Variants in ESR1 observed in about 807,000 individuals in gnomAD.
The protein encoded by ESR1 is estrogen receptor 1.
ESR1 carries 12 observed loss-of-function variants against 52.7 expected under a neutral mutation model. The ratio of observed to expected loss-of-function variants is 0.23; its 90% CI spans 0.15 to 0.37. The LOEUF is 0.37. Among genes scored for constraint, ESR1 ranks in the 10% least tolerant of loss-of-function variants. ESR1 has a pLI of 1.00. For synonymous variants in ESR1, 305 were observed against 316.8 expected, an observed-to-expected ratio of 0.96 and a Z score of 0.39; for missense variants, 584 against 779.7, an observed-to-expected ratio of 0.75 and a Z score of 2.99.
intron 2 of ESR1, among the ~76,000 whole-genome samples, chr6:151,871,315 T>C (rs2128310483): frequency 6.6e-6 from 1 of 152,298 alleles, no homozygotes; most frequent in Admixed American, 6.5e-5. Context: ...CATTTTTAAG[T>C]GTACGGTTCA....
chr6:152,124,238 G>A (rs755271442), intron 6 of ESR1, among the ~76,000 whole-genome samples: 6 of 152,134 alleles, frequency 3.9e-5, no homozygotes, highest in South Asian at 2.1e-4. Context: ...CCCGGGAGGC[G>A]GAGGCTGCAG....
Position 152,094,337 on chromosome 6 carries a change from C to T in ESR1, c.1370-48C>T. On this transcript the variant is annotated intron_variant, in intron 6 of 7. Transcript: ENST00000206249. The surrounding 1 kb of genome is among the most constrained non-coding windows in gnomAD (Gnocchi z 4.6). ...CATGAACACTCTGGGTCTCCTAGAC[C>T]TCATCCTCTTTGAGCTTCTCTCTCT... is the stretch of plus-strand genomic sequence containing the variant. 6.4e-7 allele frequency: 1 copy of T among 1,557,984 alleles called. No homozygotes were observed. The highest frequency in any genetic ancestry group is 8.9e-7 in the Non-Finnish European group (1 of 1,129,040).
At chr6:151,935,270 G>GAA (rs2034219876) in intron 3 of ESR1, among the ~76,000 whole-genome samples, 1 of 152,158 alleles carries the variant, frequency 6.6e-6, no homozygotes, top group Non-Finnish European at 1.5e-5. Flanking sequence ...CACTTCAGCA[G>GAA]AAAAAGAAAT....
At chr6:151,812,847 C>T (rs1169214141) in intron 1 of ESR1, among the ~76,000 whole-genome samples, 8 of 152,018 alleles carry the variant, frequency 5.3e-5, no homozygotes. Flanking sequence ...AAAATACAGC[C>T]ACTTGAAACC....
At chr6:151,943,930 G>A (rs1331636895) in intron 3 of ESR1, among the ~76,000 whole-genome samples, 1 of 152,118 alleles carries the variant, frequency 6.6e-6, no homozygotes, top group Admixed American at 6.5e-5. Context: ...TGTTATGGTG[G>A]TGGTATTTAC....
Position 152,061,263 on chromosome 6 carries a change from C to A in ESR1, c.1369+139C>A. Reference sequence around the variant, plus strand: ...CTGACACACGTTTTAAAATAACCTACCAACATTGCAGATTCCTTATAAAGG... The same window carrying A: ...CTGACACACGTTTTAAAATAACCTAACAACATTGCAGATTCCTTATAAAGG... On this transcript the variant is annotated intron_variant, in intron 6 of 7. Transcript: ENST00000206249. This position sits in a 1 kb window ranked among gnomAD's most constrained non-coding sequence, Gnocchi z 4.3. The A allele has an allele frequency of 1.2e-6, 1 of 833,942 alleles. No individual in the cohort carries two copies. Among genetic ancestry groups the A allele is most frequent in the South Asian group, 1.4e-5 (1 of 69,248 alleles). 51.7% of individuals were successfully genotyped at this position (833,942 alleles called of 1,614,324 possible). A position where few individuals can be genotyped will look rare whatever the true frequency, so the allele number is the denominator to read the frequency against.
intron 1 of ESR1, among the ~76,000 whole-genome samples, chr6:151,669,884 G>A (rs1217862874): frequency 6.6e-6 from 1 of 152,172 alleles, no homozygotes; most frequent in Non-Finnish European, 1.5e-5. Flanking sequence ...TTGCATTGGG[G>A]AGAAGGACAC....
intron 1 of ESR1, among the ~76,000 whole-genome samples, chr6:151,841,743 C>T (rs1448315135): frequency 7.3e-5 from 11 of 151,312 alleles, no homozygotes; most frequent in African/African-American, 2.7e-4. Context: ...CTGTGTTCCT[C>T]TGATTTTCAC....
intron 3 of ESR1, among the ~76,000 whole-genome samples, chr6:151,917,538 G>T (rs2030540750): frequency 6.6e-6 from 1 of 152,090 alleles, no homozygotes; most frequent in Admixed American, 6.6e-5. Flanking sequence ...ATAGTTTTAG[G>T]TCATAAGGGG....
At chr6:151,874,367 C>T (rs1343122499) in intron 2 of ESR1, among the ~76,000 whole-genome samples, 2 of 152,034 alleles carry the variant, frequency 1.3e-5, no homozygotes, top group African/African-American at 4.8e-5. Context: ...TTTCTAGTCA[C>T]AAATTAAATC....
At chr6:151,932,707 G>T (rs2033826320) in intron 3 of ESR1, among the ~76,000 whole-genome samples, 2 of 151,826 alleles carry the variant, frequency 1.3e-5, no homozygotes, top group South Asian at 2.1e-4. Flanking sequence ...TTATTAAATA[G>T]GGAATCCTTT....
intron 1 of ESR1, among the ~76,000 whole-genome samples, chr6:151,672,456 C>T (rs180917759): frequency 3.2e-4 from 49 of 152,184 alleles, no homozygotes; most frequent in Admixed American, 2.5e-3. Context: ...CCTGCCTCAG[C>T]CTCCTAGGTA....
chr6:152,107,929 T>A (rs969768775), downstream of ESR1, among the ~76,000 whole-genome samples: 3 of 152,192 alleles, frequency 2.0e-5, no homozygotes, highest in African/African-American at 7.2e-5. Context: ...GCTGAGCGTG[T>A]ATCCAATGAC....
In ESR1 at chr6:151,659,043, C is replaced by A. The variant is rs142708404; in HGVS notation, n.73+2280C>A. ...CTCGTTTGTTTTTGAGATGGAGTTTCGATCTTGTTGCCCAGGCTGGAGTGC... is the reference window on the plus strand; with the variant it reads ...CTCGTTTGTTTTTGAGATGGAGTTTAGATCTTGTTGCCCAGGCTGGAGTGC... On this transcript the variant is annotated intron_variant and non_coding_transcript_variant, in intron 1 of 2. Transcript: ENST00000473497. Among the ~76,000 whole-genome samples the A allele has an allele frequency of 2.2e-3, 339 of 152,240 alleles. 4 individuals are homozygous for A. Among genetic ancestry groups the A allele is most frequent in the Admixed American group, 6.2e-3 (94 of 15,284 alleles).
Position 152,069,964 on chromosome 6 carries a change from G to T in ESR1, c.1369+8840G>T, listed in dbSNP as rs143657677. Among the ~76,000 whole-genome samples, 33 of 137,524 alleles carry T rather than the reference G, an allele frequency of 2.4e-4. 6 individuals are homozygous for T. The East Asian group carries it at 6.3e-3, about 26-fold the overall frequency. The allele number at this position is 137,524 out of a possible 152,430, so 90.2% of individuals were successfully genotyped here. ...AATTTGGTTTTGTTAATTTTATGAA[G>T]ATGATTTCAAGGATGAGTAGGATTA... is the stretch of plus-strand genomic sequence containing the variant. On this transcript the variant is annotated intron_variant, in intron 6 of 7. Transcript: ENST00000206249.
chr6:151,840,576 T>C (rs1244144144), intron 1 of ESR1, among the ~76,000 whole-genome samples: 1 of 152,126 alleles, frequency 6.6e-6, no homozygotes, highest in Non-Finnish European at 1.5e-5. Flanking sequence ...ACCATAATAA[T>C]GACTGAGAAG....
rs143683896 is a variant in ESR1, at chr6:151,846,929, G to A, written c.643+4142G>A. Among the ~76,000 whole-genome samples the A allele has an allele frequency of 6.1e-3, 933 of 152,260 alleles. 4 individuals carry two copies. Among genetic ancestry groups the A allele is most frequent in the South Asian group, 0.021 (100 of 4,828 alleles). ...TACTACCTTTGAGTATTACTTCAAGGAAAAAGGACTCCACTGAGCTCACTG... is the reference window on the plus strand; with the variant it reads ...TACTACCTTTGAGTATTACTTCAAGAAAAAAGGACTCCACTGAGCTCACTG... On this transcript the variant is annotated intron_variant, in intron 2 of 7. Coordinates refer to ENST00000206249, the MANE Select transcript of ESR1 (RefSeq NM_000125.4).
chr6:152,014,679 T>C (rs1408208102), intron 5 of ESR1, among the ~76,000 whole-genome samples: 3 of 152,094 alleles, frequency 2.0e-5, no homozygotes, highest in Admixed American at 1.3e-4. Flanking sequence ...AGACCTCCCC[T>C]CTATCCCCAT....
chr6:152,015,596 T>C (rs554524596), intron 5 of ESR1, among the ~76,000 whole-genome samples: 30 of 152,336 alleles, frequency 2.0e-4, no homozygotes, highest in African/African-American at 7.2e-4. Flanking sequence ...CTGGCCAAGG[T>C]CACCCAGGTG....
Sources: gnomAD v4.1 joint callset for allele counts (sites outside exome capture counted in the v4.1 genomes callset) on GRCh38, gnomAD v4.1.1 for gene constraint, Gnocchi (gnomAD v3.1) non-coding constraint, MANE v1.5 for transcripts, NCBI Gene and HGNC (gene_info 2026-07-23, HGNC 2026-07-21) for gene names.